Variants in GPC6 observed in about 807,000 individuals in gnomAD.
The protein encoded by GPC6 is glypican-6.
GPC6 carries 14 observed loss-of-function variants against 55.2 expected under a neutral mutation model. The ratio of observed to expected loss-of-function variants is 0.25; its 90% CI spans 0.17 to 0.40. The LOEUF (loss-of-function observed/expected upper bound fraction) is 0.40. GPC6 is among the 10% of genes least tolerant of loss of function. The probability of loss-of-function intolerance (pLI) is 1.00; values close to 1 mark genes in which losing one functional copy is unlikely to be tolerated. For synonymous variants in GPC6, 278 were observed against 259.6 expected (o/e 1.07, Z -0.68); for missense variants, 641 against 708.5 (o/e 0.90, Z 1.08).
intron 2 of GPC6, among the ~76,000 whole-genome samples, chr13:93,738,868 G>A (rs1440697115): frequency 6.6e-6 from 1 of 151,582 alleles, no homozygotes; most frequent in East Asian, 1.9e-4. Flanking sequence ...CATAAAACCT[G>A]TTTTTGTTTT....
intron 1 of GPC6, among the ~76,000 whole-genome samples, chr13:93,447,702 A>C (rs1184444334): frequency 6.6e-6 from 1 of 152,164 alleles, no homozygotes; most frequent in Admixed American, 6.6e-5. Flanking sequence ...TTCAATTTCA[A>C]TTATCAGATG....
At chr13:93,465,713 C>A (rs944226860) in intron 1 of GPC6, among the ~76,000 whole-genome samples, 1 of 152,158 alleles carries the variant, frequency 6.6e-6, no homozygotes, top group African/African-American at 2.4e-5. Flanking sequence ...ATTGGAGTAA[C>A]ACTTTTAATT....
intron 1 of GPC6, among the ~76,000 whole-genome samples, chr13:93,295,625 C>T (rs978496843): frequency 2.6e-5 from 4 of 152,064 alleles, no homozygotes; most frequent in Non-Finnish European, 4.4e-5. Flanking sequence ...GGACTATAGG[C>T]GCCTGCTACT....
chr13:93,950,601 C>T (rs1052189133), intron 3 of GPC6, among the ~76,000 whole-genome samples: 2 of 152,260 alleles, frequency 1.3e-5, no homozygotes, highest in Middle Eastern at 3.4e-3. Flanking sequence ...CGTCTGATCC[C>T]TTGTCTCCCA....
chr13:93,429,353 G>A (rs1877269153), intron 1 of GPC6, among the ~76,000 whole-genome samples: 2 of 152,084 alleles, frequency 1.3e-5, no homozygotes, highest in African/African-American at 2.4e-5. Flanking sequence ...AGGCTACAAA[G>A]GATATTTCTA....
At chr13:93,336,474 A>C (rs1272237653) in intron 1 of GPC6, among the ~76,000 whole-genome samples, 2 of 152,216 alleles carry the variant, frequency 1.3e-5, no homozygotes, top group African/African-American at 2.4e-5. Flanking sequence ...ATTATTGCTG[A>C]AAATGATGAC....
At chr13:93,378,483 C>T (rs1184010448) in intron 1 of GPC6, among the ~76,000 whole-genome samples, 4 of 152,216 alleles carry the variant, frequency 2.6e-5, no homozygotes, top group South Asian at 2.1e-4. Flanking sequence ...GTTAATTGCT[C>T]CCTATTTTGT....
At chr13:93,410,524 G>T (rs990393952) in intron 1 of GPC6, among the ~76,000 whole-genome samples, 4 of 152,152 alleles carry the variant, frequency 2.6e-5, no homozygotes, top group African/African-American at 9.7e-5. Flanking sequence ...CACAGAGTTT[G>T]TCCCTTTAAT....
rs557066329 is a variant in GPC6 at position 93,572,042 on chromosome 13, C to T, written c.319+26621C>T. Among the ~76,000 whole-genome samples, 10 of 152,204 alleles carry T rather than the reference C, an allele frequency of 6.6e-5. No homozygotes were observed. In the South Asian group the frequency reaches 2.1e-3, roughly 32 times the overall value. On this transcript the variant is annotated intron_variant, in intron 2 of 8. Transcript: ENST00000377047. Reference sequence around the variant, plus strand: ...ATTGAATCTTCAAACTATAGCTGGGCCAAGAAGCTCAATCTGAGCTTACAT... The same window carrying T: ...ATTGAATCTTCAAACTATAGCTGGGTCAAGAAGCTCAATCTGAGCTTACAT...
intron 1 of GPC6, among the ~76,000 whole-genome samples, chr13:93,310,347 C>T (rs112925234): frequency 1.2e-4 from 19 of 152,306 alleles, no homozygotes; most frequent in African/African-American, 4.3e-4. Flanking sequence ...CTTCCTTCTA[C>T]GTCAGTTCCC....
At chr13:93,947,363 C>G (rs183315674) in intron 3 of GPC6, among the ~76,000 whole-genome samples, 1 of 151,928 alleles carries the variant, frequency 6.6e-6, no homozygotes, top group East Asian at 1.9e-4. Context: ...TGAAGTAGGA[C>G]AAACCATCCA....
chr13:93,779,650 A>C (rs558377219), intron 2 of GPC6, among the ~76,000 whole-genome samples: 1 of 152,320 alleles, frequency 6.6e-6, no homozygotes, highest in South Asian at 2.1e-4. Flanking sequence ...GGCTTATGTT[A>C]GCGTCGTATG....
At chr13:93,218,785 A>C in the GPC6 span, among the ~76,000 whole-genome samples, 1 of 152,340 alleles carries the variant, frequency 6.6e-6, no homozygotes, top group East Asian at 1.9e-4. Context: ...CTGATGACTA[A>C]GTTGAAGAAA....
chr13:93,721,675 A>G (rs1463472010), intron 2 of GPC6, among the ~76,000 whole-genome samples: 1 of 151,762 alleles, frequency 6.6e-6, no homozygotes, highest in African/African-American at 2.4e-5. Flanking sequence ...CAAAAATATT[A>G]TTAAATGTGG....
chr13:93,975,997 G>A (rs972133911), intron 3 of GPC6, among the ~76,000 whole-genome samples: 1 of 151,980 alleles, frequency 6.6e-6, no homozygotes, highest in Non-Finnish European at 1.5e-5. Flanking sequence ...ATTACTATTA[G>A]CAAGACCTTT....
At chr13:94,265,739 T>A (rs1891781309) in intron 4 of GPC6, among the ~76,000 whole-genome samples, 1 of 152,184 alleles carries the variant, frequency 6.6e-6, no homozygotes, top group Non-Finnish European at 1.5e-5. Flanking sequence ...AGCAAAATAG[T>A]ATGGGGCCAA....
chr13:93,540,804 G>A (rs1882262972), intron 1 of GPC6, among the ~76,000 whole-genome samples: 1 of 151,986 alleles, frequency 6.6e-6, no homozygotes, highest in Non-Finnish European at 1.5e-5. Flanking sequence ...CTATAATTTT[G>A]TATCCTTTAA....
At chr13:93,291,155 C>G (rs1276461343) in intron 1 of GPC6, among the ~76,000 whole-genome samples, 1 of 152,074 alleles carries the variant, frequency 6.6e-6, no homozygotes, top group African/African-American at 2.4e-5. Flanking sequence ...ACATTTAGAC[C>G]AAGGGATTAT....
intron 4 of GPC6, among the ~76,000 whole-genome samples, chr13:94,269,979 C>A (rs1159481709): frequency 6.6e-6 from 1 of 152,056 alleles, no homozygotes; most frequent in Admixed American, 6.5e-5. Flanking sequence ...GTAATTAAAC[C>A]CCTTTATGAT....
Sources: gnomAD v4.1 joint callset for allele counts (sites outside exome capture counted in the v4.1 genomes callset) on GRCh38, gnomAD v4.1.1 for gene constraint, MANE v1.5 for transcripts, NCBI Gene and HGNC (gene_info 2026-07-23, HGNC 2026-07-21) for gene names.